Variants in DCDC1 observed in about 807,000 individuals in gnomAD.
DCDC1 encodes the protein doublecortin domain containing 1, also known as doublecortin domain-containing protein 1.
Under a neutral mutation model 178.3 loss-of-function variants are expected in DCDC1, and 200 were observed. The observed-to-expected ratio is 1.12, with a 90% CI of 1.00 to 1.26. The LOEUF is 1.26. DCDC1 is among the 50% of genes most tolerant of loss of function. The pLI is 0.00. For missense variants in DCDC1, 1,983 were observed against 1,749.2 expected, an observed-to-expected ratio of 1.13 and a Z score of -2.38; for synonymous variants, 690 against 604.8, an observed-to-expected ratio of 1.14 and a Z score of -2.07.
At chr11:30,890,018 C>G (rs1437868098) in intron 36 of DCDC1, among the ~76,000 whole-genome samples, 1 of 152,140 alleles carries the variant, frequency 6.6e-6, no homozygotes, top group Non-Finnish European at 1.5e-5. Flanking sequence ...CGCCAGGGTT[C>G]TTTCTCTCTC....
At position 30,913,790 on chromosome 11, in the gene DCDC1, T is replaced by G. The variant is rs562243997; in HGVS notation, c.3653+1721A>C. Among the ~76,000 whole-genome samples, 3 of 152,314 alleles carry G rather than the reference T, an allele frequency of 2.0e-5. No homozygotes were observed. The South Asian group carries it at 6.2e-4, about 32-fold the overall frequency. ...ACTGAGCAAGATTCAGAACTAGTAT[T>G]CTCTTCCAATGACCAAGTATTCCTG... On this transcript the variant is annotated intron_variant, in intron 27 of 38. Coordinates refer to ENST00000684477, the MANE Select transcript of DCDC1 (RefSeq NM_001387274.1).
At chr11:31,147,446 G>T (rs1345097675) in intron 9 of DCDC1, among the ~76,000 whole-genome samples, 1 of 152,140 alleles carries the variant, frequency 6.6e-6, no homozygotes, top group East Asian at 1.9e-4. Flanking sequence ...CAATATTATT[G>T]TGACAAATTC....
intron 8 of DCDC1, among the ~76,000 whole-genome samples, chr11:31,254,256 T>C (rs1944267214): frequency 6.6e-6 from 1 of 152,164 alleles, no homozygotes; most frequent in Non-Finnish European, 1.5e-5. Flanking sequence ...TCTGGAACAT[T>C]AAAGAGACTG....
At chr11:31,354,150 G>A (rs1268226096) in intron 1 of DCDC1, among the ~76,000 whole-genome samples, 1 of 152,138 alleles carries the variant, frequency 6.6e-6, no homozygotes, top group Admixed American at 6.5e-5. Context: ...GCCGGGTGTG[G>A]TGGCATGTGC....
Position 31,094,466 on chromosome 11 carries a change from C to T in DCDC1, c.1984-282G>A, listed in dbSNP as rs114439355. 5.1e-3 allele frequency among the ~76,000 whole-genome samples: 778 copies of T among 152,162 alleles called. 6 individuals carry two copies. Among genetic ancestry groups the T allele is most frequent in the African/African-American group, 0.018 (735 of 41,502 alleles). On this transcript the variant is annotated intron_variant, in intron 15 of 38. Coordinates refer to ENST00000684477, the MANE Select transcript of DCDC1 (RefSeq NM_001387274.1). ...AGTAGAGGCAACTTCTCTCTCTCTC[C>T]CCACCTGCCTTTCATGTTAAGCTCC...
intron 18 of DCDC1, among the ~76,000 whole-genome samples, chr11:31,067,494 T>C (rs1158617241): frequency 1.3e-5 from 2 of 152,088 alleles, no homozygotes; most frequent in Admixed American, 6.6e-5. Context: ...GTCCTCAAAA[T>C]GTTAAATGTG....
In DCDC1 at chr11:31,057,618, G is replaced by T. The variant is rs1955668092; in HGVS notation, c.2591+6851C>A. Among the ~76,000 whole-genome samples the T allele has an allele frequency of 4.6e-5, 7 of 152,148 alleles. No homozygotes were observed. The South Asian group carries it at 1.4e-3, about 32-fold the overall frequency. On this transcript the variant is annotated intron_variant, in intron 20 of 38. Coordinates refer to ENST00000684477, the MANE Select transcript of DCDC1 (RefSeq NM_001387274.1). ...GCTGAGAAAAAAATCAATGAAAATG[G>T]GCCATACAGAGGGTAAGGTTTTAGG...
At chr11:30,895,677 C>A (rs1944147651) in intron 34 of DCDC1, among the ~76,000 whole-genome samples, 2 of 152,042 alleles carry the variant, frequency 1.3e-5, no homozygotes, top group African/African-American at 2.4e-5. Context: ...CATTTATATG[C>A]AATTTATGGA....
At chr11:31,351,270 G>A (rs1951059552) in intron 1 of DCDC1, among the ~76,000 whole-genome samples, 2 of 152,010 alleles carry the variant, frequency 1.3e-5, no homozygotes, top group Non-Finnish European at 2.9e-5. Context: ...AAATACTAAA[G>A]TAAATAGAAT....
chr11:31,019,210 T>C (rs1361672861), intron 20 of DCDC1, among the ~76,000 whole-genome samples: 4 of 152,132 alleles, frequency 2.6e-5, no homozygotes, highest in African/African-American at 4.8e-5. Context: ...GCTTGGTAGG[T>C]ATAACAGCTC....
At chr11:30,948,587 C>T (rs1484598431) in intron 21 of DCDC1, among the ~76,000 whole-genome samples, 2 of 152,114 alleles carry the variant, frequency 1.3e-5, no homozygotes, top group African/African-American at 4.8e-5. Context: ...AGGCATCATG[C>T]TACCTGACTT....
At chr11:31,037,841 A>T (rs1312583963) in intron 20 of DCDC1, among the ~76,000 whole-genome samples, 2 of 151,980 alleles carry the variant, frequency 1.3e-5, no homozygotes, top group Non-Finnish European at 2.9e-5. Context: ...CCCACAATTC[A>T]TCATGGTTTT....
At chr11:31,040,882 A>T (rs530144479) in intron 20 of DCDC1, among the ~76,000 whole-genome samples, 1 of 152,068 alleles carries the variant, frequency 6.6e-6, no homozygotes, top group Non-Finnish European at 1.5e-5. Context: ...ATAAGTTGCA[A>T]CTCCTCTGGG....
intron 3 of DCDC1, among the ~76,000 whole-genome samples, chr11:31,315,476 A>G (rs191698297): frequency 1.6e-3 from 242 of 151,436 alleles, no homozygotes; most frequent in Non-Finnish European, 1.5e-3. Flanking sequence ...AGCTGAGACT[A>G]CAGGTGCACG....
chr11:30,864,260 A>G lies in DCDC1; in HGVS notation c.*1113T>C, dbSNP rs1940821451. On this transcript the variant is annotated 3_prime_UTR_variant, in exon 39 of 39. Transcript: ENST00000684477. ...TCGAAGTCTCAAATGTTGTCAATTC[A>G]TCTATAAGTAATTTCACATAACTTT... is the stretch of plus-strand genomic sequence containing the variant. The G allele has an allele frequency of 6.6e-6, 1 of 152,238 alleles. No individual in the cohort carries two copies. Among genetic ancestry groups the G allele is most frequent in the Non-Finnish European group, 1.5e-5 (1 of 68,048 alleles). The allele number at this position is 152,238 out of a possible 1,614,324, so 9.4% of individuals were successfully genotyped here. A position where few individuals can be genotyped will look rare whatever the true frequency, so the allele number is the denominator to read the frequency against.
At chr11:31,294,646 A>AG (rs1565566125) in intron 6 of DCDC1, among the ~76,000 whole-genome samples, 5 of 666 alleles carry the variant, frequency 7.5e-3, no homozygotes, top group Non-Finnish European at 0.013. Context: ...AGGGGAGGGG[A>AG]GGGAGGGGGG....
At chr11:30,973,954 A>G (rs1174639969) in intron 20 of DCDC1, among the ~76,000 whole-genome samples, 1 of 151,940 alleles carries the variant, frequency 6.6e-6, no homozygotes, top group Non-Finnish European at 1.5e-5. Context: ...TCATCAGTAC[A>G]TGGAACATTC....
chr11:31,358,637 C>A (rs537918260), intron 1 of DCDC1, among the ~76,000 whole-genome samples: 2,935 of 152,168 alleles, frequency 0.019, 88 homozygotes, highest in African/African-American at 0.066. Flanking sequence ...AAACTACCAT[C>A]AGAGTGAACA....
At chr11:30,991,366 C>A (rs1950969895) in intron 20 of DCDC1, among the ~76,000 whole-genome samples, 1 of 152,160 alleles carries the variant, frequency 6.6e-6, no homozygotes, top group Non-Finnish European at 1.5e-5. Context: ...GGGTCCCATG[C>A]AAGGTCACCA....
Sources: gnomAD v4.1 joint callset for allele counts (sites outside exome capture counted in the v4.1 genomes callset) on GRCh38, gnomAD v4.1.1 for gene constraint, MANE v1.5 for transcripts, NCBI Gene and HGNC (gene_info 2026-07-23, HGNC 2026-07-21) for gene names.